Variants in ZMYM2 observed in about 807,000 individuals in gnomAD.
ZMYM2 encodes the protein zinc finger MYM-type containing 2, also known as zinc finger MYM-type protein 2.
Under a neutral mutation model 162.8 loss-of-function variants are expected in ZMYM2, and 56 were observed. The observed-to-expected ratio is 0.34, with a 90% confidence interval of 0.28 to 0.43. The LOEUF (loss-of-function observed/expected upper bound fraction) is 0.43. Ranked by LOEUF, ZMYM2 falls within the 20% of genes least tolerant of loss-of-function variation. The pLI is 1.00. For synonymous variants in ZMYM2, 510 were observed against 541.6 expected (o/e 0.94, Z 0.81); for missense variants, 1,275 against 1,621.8 (o/e 0.79, Z 3.67).
At position 20,027,325 on chromosome 13, in the gene ZMYM2, C is replaced by G; in HGVS notation, c.1851+7C>G. 6.4e-7 allele frequency: 1 copy of G among 1,551,072 alleles called. No homozygotes were observed. Among genetic ancestry groups the G allele is most frequent in the South Asian group, 1.2e-5 (1 of 83,966 alleles). ...TTGTGTGGCTAAATTTCAGGTTTGT[C>G]GTTTATTTTGCATAACCCATGCCCC... On this transcript the variant is annotated splice_region_variant and intron_variant, in intron 9 of 24. Coordinates refer to ENST00000610343, the MANE Select transcript of ZMYM2 (RefSeq NM_197968.4).
intron 2 of ZMYM2, chr13:19,970,052 T>C: frequency 1.0e-6 from 1 of 985,394 alleles, no homozygotes; most frequent in Non-Finnish European, 1.2e-6. Context: ...TCATGGAACA[T>C]TTGAAGTCAC....
At position 20,085,843 on chromosome 13, in the gene ZMYM2, G is replaced by T. The variant is rs765927353; in HGVS notation, c.3963G>T (p.Arg1321Ser). ...LSKSPQNLNQ[R>S]MDVFYLQPEC... ...AAAGTCCACAGAATCTTAATCAGAG[G>T]ATGGATGTTTTTTATTTGCAACCAG... Residue 1321 changes from arginine to serine, a missense_variant, in exon 25 of 25, where the codon AGG becomes AGT. Physicochemically the swap from Arg to Ser is moderately radical, Grantham distance 110. This residue lies in a region of ZMYM2 where 69 missense variants were observed against 78.4 expected (regional missense o/e 0.88). Coordinates refer to ENST00000610343, the MANE Select transcript of ZMYM2 (RefSeq NM_197968.4). 1.2e-6 allele frequency: 2 copies of T among 1,610,164 alleles called. No individual in the cohort carries two copies. Among genetic ancestry groups the T allele is most frequent in the Non-Finnish European group, 1.7e-6 (2 of 1,177,856 alleles).
chr13:19,883,211 G>A, the ZMYM2 span, among the ~76,000 whole-genome samples: 1 of 152,156 alleles, frequency 6.6e-6, no homozygotes, highest in Non-Finnish European at 1.5e-5. Context: ...TATAGAGACA[G>A]GAACCAGATA....
intron 21 of ZMYM2, among the ~76,000 whole-genome samples, chr13:20,076,846 A>AT (rs917008297): frequency 6.7e-6 from 1 of 149,502 alleles, no homozygotes; most frequent in Non-Finnish European, 1.5e-5. Context: ...ATTTTATTTT[A>AT]TTTTTTTTGA....
Position 20,075,670 on chromosome 13 carries a change from C to CTT in ZMYM2, c.3454-6315_3454-6314dup, listed in dbSNP as rs56664916. Among the ~76,000 whole-genome samples the CTT allele has an allele frequency of 2.2e-3, 169 of 75,712 alleles. 8 individuals carry two copies. The highest frequency in any genetic ancestry group is 8.4e-3 in the African/African-American group (155 of 18,448). 49.7% of individuals were successfully genotyped at this position (75,712 alleles called of 152,430 possible). On this transcript the variant is annotated intron_variant, in intron 21 of 24. Transcript: ENST00000610343. ...TTATTATGAATAGAACTATAGACAC[C>CTT]TTTTTTTTTTTTTTTTTTTTTTTTT...
intron 21 of ZMYM2, among the ~76,000 whole-genome samples, chr13:20,073,586 T>C (rs1288884769): frequency 6.6e-6 from 1 of 152,202 alleles, no homozygotes; most frequent in Non-Finnish European, 1.5e-5. Context: ...GTGTTTCTTC[T>C]TTTTCAGGAA....
the ZMYM2 span, among the ~76,000 whole-genome samples, chr13:19,932,971 A>G: frequency 6.6e-6 from 1 of 152,082 alleles, no homozygotes; most frequent in Admixed American, 6.6e-5. Context: ...ATTTTTAGAG[A>G]CAGGTCTCAT....
chr13:19,960,179 G>T (rs528415608), intron 2 of ZMYM2, among the ~76,000 whole-genome samples, 153 bp downstream of exon 2: 167 of 152,328 alleles, frequency 1.1e-3, no homozygotes, highest in African/African-American at 3.6e-3. Flanking sequence ...GTAATGGCTG[G>T]TGAGGCAGCT....
chr13:20,024,886 T>G (rs1323963084), intron 7 of ZMYM2: 1 of 215,872 alleles, frequency 4.6e-6, no homozygotes, highest in Non-Finnish European at 9.3e-6. Context: ...GAGGGCTTCC[T>G]TTAGTTGATA....
intron 2 of ZMYM2, among the ~76,000 whole-genome samples, chr13:19,976,678 C>G (rs748071877): frequency 1.3e-5 from 2 of 152,198 alleles, no homozygotes; most frequent in African/African-American, 2.4e-5. Context: ...CTTTTTGTGA[C>G]TGGCTGTTTT....
At chr13:19,897,563 A>G in the ZMYM2 span, among the ~76,000 whole-genome samples, 2 of 149,796 alleles carry the variant, frequency 1.3e-5, no homozygotes, top group Non-Finnish European at 3.0e-5. Flanking sequence ...TATTAAAAAA[A>G]AAAAGAAAAA....
At chr13:19,937,551 C>T in the ZMYM2 span, among the ~76,000 whole-genome samples, 1 of 150,554 alleles carries the variant, frequency 6.6e-6, no homozygotes, top group East Asian at 1.9e-4. Flanking sequence ...GCAACCTCCA[C>T]CTCCTGAGTT....
intron 3 of ZMYM2, among the ~76,000 whole-genome samples, chr13:19,996,488 A>G (rs981140287): frequency 2.6e-5 from 4 of 152,102 alleles, no homozygotes; most frequent in Non-Finnish European, 4.4e-5. Context: ...GCATTTTGGG[A>G]GGTCAAGGTG....
chr13:20,060,931 C>T, intron 16 of ZMYM2, 122 bp from the exon 17 acceptor site: 1 of 934,756 alleles, frequency 1.1e-6, no homozygotes, highest in Non-Finnish European at 1.6e-6. Flanking sequence ...TGTATGTGTT[C>T]TTTTCAAAGC....
chr13:20,004,858 C>G (rs532326575), intron 4 of ZMYM2, among the ~76,000 whole-genome samples: 1 of 151,906 alleles, frequency 6.6e-6, no homozygotes, highest in Non-Finnish European at 1.5e-5. Flanking sequence ...AATTGAGTAG[C>G]GGCAAAGATT....
chr13:20,058,797 A>G (rs1956006762), intron 15 of ZMYM2, 93 bp downstream of exon 15: 3 of 1,505,150 alleles, frequency 2.0e-6, no homozygotes, highest in Non-Finnish European at 2.8e-6. Flanking sequence ...TCCAGGATAG[A>G]TTCATTTGGT....
chr13:19,949,081 A>T, the ZMYM2 span, among the ~76,000 whole-genome samples: 2 of 145,570 alleles, frequency 1.4e-5, no homozygotes, highest in Admixed American at 7.3e-5. Flanking sequence ...AGCCTGGGTA[A>T]CATGGCAAAA....
the ZMYM2 span, among the ~76,000 whole-genome samples, chr13:19,917,459 G>A: frequency 6.6e-6 from 1 of 151,118 alleles, no homozygotes. Flanking sequence ...GTGTGGTGGT[G>A]CACGCCTGTA....
chr13:20,027,194 C>T lies in ZMYM2; in HGVS notation c.1736-9C>T. ...TAAACAAATCAGATATGTACCTTTT[C>T]TTTCCTAGGTTTGGGAATTATTTGC... On this transcript the variant is annotated splice_polypyrimidine_tract_variant and intron_variant, in intron 8 of 24. Coordinates refer to ENST00000610343, the MANE Select transcript of ZMYM2 (RefSeq NM_197968.4). The T allele has an allele frequency of 2.6e-6, 4 of 1,548,080 alleles. No homozygotes were observed. Among genetic ancestry groups the T allele is most frequent in the Non-Finnish European group, 3.5e-6 (4 of 1,144,762 alleles).
Sources: gnomAD v4.1 joint callset for allele counts (sites outside exome capture counted in the v4.1 genomes callset) on GRCh38, gnomAD v4.1.1 for gene constraint, gnomAD v4.1.1 regional missense constraint, MANE v1.5 for transcripts, NCBI Gene and HGNC (gene_info 2026-07-23, HGNC 2026-07-21) for gene names.